Variants in SLIT2 observed in about 807,000 individuals in gnomAD.
SLIT2 encodes the protein slit homolog 2 protein.
In SLIT2, 41 loss-of-function variants were observed where a neutral mutation model predicts 185.7. The observed-to-expected ratio is 0.22, with a 90% CI of 0.17 to 0.29. The LOEUF (loss-of-function observed/expected upper bound fraction) is 0.29, where lower values mean the gene tolerates loss of function less well. Ranked by LOEUF, SLIT2 falls within the 10% of genes least tolerant of loss-of-function variation. The pLI is 1.00. For missense variants in SLIT2, 1,571 were observed against 1,909.0 expected (o/e 0.82, Z 3.30); for synonymous variants, 693 against 680.2 (o/e 1.02, Z -0.29).
intron 4 of SLIT2, among the ~76,000 whole-genome samples, chr4:20,388,786 A>AT (rs1474958851): frequency 6.8e-4 from 92 of 134,682 alleles, no homozygotes; most frequent in Non-Finnish European, 1.2e-3. Flanking sequence ...GGGAAAAAAA[A>AT]AAAAAAATAT....
At chr4:20,408,320 AC>A (rs1446437840) in intron 4 of SLIT2, among the ~76,000 whole-genome samples, 1 of 152,190 alleles carries the variant, frequency 6.6e-6, no homozygotes, top group Non-Finnish European at 1.5e-5. Context: ...TAGTTATTCC[AC>A]CAGAAGAATG....
chr4:20,565,664 C>G (rs1406406809), intron 26 of SLIT2, among the ~76,000 whole-genome samples: 1 of 151,802 alleles, frequency 6.6e-6, no homozygotes, highest in East Asian at 1.9e-4. Flanking sequence ...TTGTAGTTAC[C>G]AAGACAAAAT....
intron 4 of SLIT2, among the ~76,000 whole-genome samples, chr4:20,461,392 A>C (rs1317795841): frequency 6.6e-6 from 1 of 152,172 alleles, no homozygotes; most frequent in Non-Finnish European, 1.5e-5. Flanking sequence ...AATGAAAGAA[A>C]GGATAAAAAT....
Position 20,472,533 on chromosome 4 carries a change from GATATATCTATATCTATATATAGAT to G in SLIT2, c.467+4723_467+4746del, listed in dbSNP as rs1715533209. The stretch of plus-strand genomic sequence containing the variant: ...ATAGATAGATATATATCTATATATA[GATATATCTATATCTATATATAGAT>G]ATATATCTATATATAGATATATCTA... On this transcript the variant is annotated intron_variant, in intron 5 of 36. Transcript: ENST00000504154. Among the ~76,000 whole-genome samples, 3 of 7,212 alleles carry G rather than the reference GATATATCTATATCTATATATAGAT, an allele frequency of 4.2e-4. 1 individual carries two copies. The highest frequency in any genetic ancestry group is 3.0e-3 in the Admixed American group (1 of 332). 4.7% of individuals were successfully genotyped at this position (7,212 alleles called of 152,430 possible).
chr4:20,435,914 T>G (rs555097159), intron 4 of SLIT2, among the ~76,000 whole-genome samples: 55 of 152,302 alleles, frequency 3.6e-4, no homozygotes, highest in Non-Finnish European at 4.6e-4. Flanking sequence ...ATGTGAGGAT[T>G]TATAAAGGTC....
chr4:20,310,969 T>C (rs1718053904), intron 4 of SLIT2, among the ~76,000 whole-genome samples: 1 of 152,200 alleles, frequency 6.6e-6, no homozygotes. Flanking sequence ...ATTATAGCTG[T>C]AAACTCTTGG....
chr4:20,517,628 T>C (rs1279547343), intron 11 of SLIT2, among the ~76,000 whole-genome samples: 2 of 152,192 alleles, frequency 1.3e-5, no homozygotes, highest in Non-Finnish European at 2.9e-5. Flanking sequence ...TTTCATGTTC[T>C]ATTTTATAGT....
At position 20,542,526 on chromosome 4, in the gene SLIT2, C is replaced by T. The variant is rs774683108; in HGVS notation, c.2176C>T (p.Arg726Cys). Residue 726 changes from arginine (R) to cysteine (C), a missense_variant, in exon 21 of 37, where the codon CGC (arginine) becomes TGC (cysteine). Arg to Cys is a radical substitution (Grantham distance 180). This residue lies in a region of SLIT2 where 1,202 missense variants were observed against 1,416.4 expected (regional missense o/e 0.85). Transcript: ENST00000504154. ...TGACAATAGTTGCTCCCCACTTTCTCGCTGTCCTACTGAATGTACTTGCTT... is the reference window on the plus strand; with the variant it reads ...TGACAATAGTTGCTCCCCACTTTCTTGCTGTCCTACTGAATGTACTTGCTT... ...NDDNSCSPLS[R>C]CPTECTCLDT... The T allele has an allele frequency of 2.6e-5, 42 of 1,613,596 alleles. No individual in the cohort carries two copies. Among genetic ancestry groups the T allele is most frequent in the South Asian group, 8.8e-5 (8 of 91,000 alleles).
chr4:20,505,311 A>G (rs192504931), intron 9 of SLIT2, among the ~76,000 whole-genome samples: 2 of 152,230 alleles, frequency 1.3e-5, no homozygotes, highest in African/African-American at 2.4e-5. Context: ...GTCCATGTCT[A>G]TATAAGTGCA....
intron 26 of SLIT2, among the ~76,000 whole-genome samples, chr4:20,555,935 A>G (rs751864656): frequency 6.6e-6 from 1 of 152,052 alleles, no homozygotes; most frequent in Admixed American, 6.6e-5. Flanking sequence ...TCCAAAAACT[A>G]TGTATACAAT....
At chr4:20,414,177 C>A (rs576096922) in intron 4 of SLIT2, among the ~76,000 whole-genome samples, 1 of 152,174 alleles carries the variant, frequency 6.6e-6, no homozygotes, top group South Asian at 2.1e-4. Flanking sequence ...CTGCAGATTA[C>A]AATTAACCTC....
intron 3 of SLIT2, among the ~76,000 whole-genome samples, chr4:20,259,318 T>C (rs1439954418): frequency 6.6e-6 from 1 of 151,734 alleles, no homozygotes; most frequent in African/African-American, 2.4e-5. Flanking sequence ...TGCAAAGATA[T>C]TTTAATCTTT....
chr4:20,522,134 C>A (rs1443720886), intron 12 of SLIT2, among the ~76,000 whole-genome samples: 1 of 152,066 alleles, frequency 6.6e-6, no homozygotes, highest in Non-Finnish European at 1.5e-5. Context: ...ACCAAAGGGA[C>A]CTTTTCACCT....
rs755996497 is a variant in SLIT2 at position 20,467,752 on chromosome 4, T to C, written c.396T>C (p.Leu132=). ...LFLGTAKLYR[L]DLSENQIQAI... ...TCCTTTTTGTTGTTGTTGTTTTTAG[T>C]GATCTCAGTGAAAACCAAATTCAGG... The change falls in exon 5 of 37, where the codon CTT becomes CTC. Residue 132 remains leucine (L), a splice_region_variant and synonymous_variant. Transcript: ENST00000504154. 2.5e-6 allele frequency: 4 copies of C among 1,574,648 alleles called. No homozygotes were observed. The South Asian group carries it at 3.5e-5, about 14-fold the overall frequency.
chr4:20,469,113 T>C (rs1347455729), intron 5 of SLIT2, among the ~76,000 whole-genome samples: 1 of 152,182 alleles, frequency 6.6e-6, no homozygotes, highest in Non-Finnish European at 1.5e-5. Context: ...CTTTTTACTT[T>C]TGCTAGTTAG....
chr4:20,476,999 A>C (rs560765261), intron 5 of SLIT2, among the ~76,000 whole-genome samples: 2 of 152,248 alleles, frequency 1.3e-5, no homozygotes, highest in African/African-American at 4.8e-5. Flanking sequence ...GATGAGCTTC[A>C]GAACTTTTTG....
At chr4:20,417,142 T>C (rs953039723) in intron 4 of SLIT2, among the ~76,000 whole-genome samples, 6 of 152,086 alleles carry the variant, frequency 3.9e-5, no homozygotes, top group Non-Finnish European at 7.4e-5. Context: ...GAGATCAGCA[T>C]GTATGGTGAT....
rs182446511 is a variant in SLIT2, at chr4:20,365,911, A to C, written c.395+97030A>C. Among the ~76,000 whole-genome samples the C allele has an allele frequency of 2.0e-5, 3 of 152,268 alleles. No individual in the cohort carries two copies. The East Asian group carries it at 5.8e-4, about 30-fold the overall frequency. On this transcript the variant is annotated intron_variant, in intron 4 of 36. Coordinates refer to ENST00000504154, the MANE Select transcript of SLIT2 (RefSeq NM_004787.4). ...CATAATAAAAGGCAAAATGACTGTC[A>C]TTAGCTTTATGTAGCTGTGTCTTAA...
rs118058284 is a variant in SLIT2 at position 20,537,418 on chromosome 4, A to G, written c.1833-2023A>G. Among the ~76,000 whole-genome samples the G allele has an allele frequency of 3.5e-3, 526 of 152,262 alleles. 11 individuals are homozygous for G. The South Asian group carries it at 0.06, about 17-fold the overall frequency. On this transcript the variant is annotated intron_variant, in intron 18 of 36. Transcript: ENST00000504154. ...TTCTATGGTGCATGACTGTACAGTC[A>G]CATTTGGGGGTTAGGGCTTCAAAAT...
Sources: gnomAD v4.1 joint callset for allele counts (sites outside exome capture counted in the v4.1 genomes callset) on GRCh38, gnomAD v4.1.1 for gene constraint, gnomAD v4.1.1 regional missense constraint, MANE v1.5 for transcripts, NCBI Gene and HGNC (gene_info 2026-07-23, HGNC 2026-07-21) for gene names.